Variants in GTPBP10 observed in about 807,000 individuals in gnomAD.
GTPBP10 encodes the protein GTP-binding protein 10.
Under a neutral mutation model 44.8 loss-of-function variants are expected in GTPBP10, and 38 were observed. The ratio of observed to expected loss-of-function variants is 0.85; its 90% CI spans 0.65 to 1.11. The LOEUF (loss-of-function observed/expected upper bound fraction) is 1.11. GTPBP10 is among the 50% of genes most tolerant of loss of function. GTPBP10 has a pLI of 0.00. For missense variants in GTPBP10, 462 were observed against 453.7 expected, an observed-to-expected ratio of 1.02 and a Z score of -0.17; for synonymous variants, 152 against 150.6, an observed-to-expected ratio of 1.01 and a Z score of -0.07.
At chr7:90,358,372 T>C (rs1176565135) in intron 4 of GTPBP10, among the ~76,000 whole-genome samples, 1 of 152,070 alleles carries the variant, frequency 6.6e-6, no homozygotes, top group African/African-American at 2.4e-5. Flanking sequence ...CAAATTATAT[T>C]ACAAGGTTAT....
chr7:90,352,647 G>A (rs969564962), intron 1 of GTPBP10, among the ~76,000 whole-genome samples, 169 bp from the exon 2 acceptor site: 1 of 152,188 alleles, frequency 6.6e-6, no homozygotes, highest in Non-Finnish European at 1.5e-5. Context: ...ATGGGAAAGG[G>A]GGTCAGATCG....
At chr7:90,375,205 A>C (rs1002023787) in intron 6 of GTPBP10, among the ~76,000 whole-genome samples, 11 of 152,312 alleles carry the variant, frequency 7.2e-5, no homozygotes, top group Non-Finnish European at 1.6e-4. Flanking sequence ...AGTAAAAAAA[A>C]AAAATGAATG....
At chr7:90,349,194 C>CAAT (rs1423862670) in intron 1 of GTPBP10, among the ~76,000 whole-genome samples, 2 of 152,136 alleles carry the variant, frequency 1.3e-5, no homozygotes, top group Non-Finnish European at 2.9e-5. Context: ...ATGGCTTTTT[C>CAAT]AATAATAATG....
At chr7:90,358,305 A>G (rs960347984) in intron 4 of GTPBP10, among the ~76,000 whole-genome samples, 3 of 152,088 alleles carry the variant, frequency 2.0e-5, no homozygotes, top group Non-Finnish European at 4.4e-5. Flanking sequence ...ATGGAAATAC[A>G]TCCAAAGCAA....
intron 4 of GTPBP10, chr7:90,371,331 G>GTAA: frequency 5.4e-6 from 1 of 186,820 alleles, no homozygotes; most frequent in Non-Finnish European, 1.0e-5. Flanking sequence ...ATTGAAAAGT[G>GTAA]TTCACCTTAT....
chr7:90,370,317 A>C (rs1411290167), intron 4 of GTPBP10, among the ~76,000 whole-genome samples: 1 of 150,708 alleles, frequency 6.6e-6, no homozygotes, highest in Non-Finnish European at 1.5e-5. Flanking sequence ...CCCATCAACC[A>C]ATGAATGAAG....
At position 90,374,340 on chromosome 7, in the gene GTPBP10, A is replaced by C. The variant is rs17867481; in HGVS notation, c.577A>C (p.Ser193Arg). 5.0e-6 allele frequency: 8 copies of C among 1,593,084 alleles called. No homozygotes were observed. In the African/African-American group the frequency reaches 1.1e-4, roughly 21 times the overall value. Residue 193 changes from serine to arginine, a missense_variant, in exon 6 of 10, where the codon AGT becomes CGT. Ser to Arg is a moderately radical substitution (Grantham distance 110). Transcript: ENST00000222511. ...GCCTGAACTTGGAAAGATAATGTAC[A>C]GTGATTTCAAACAGGTAGGTATTTT... ...LKPELGKIMY[S>R]DFKQISVADL...
In GTPBP10 at chr7:90,376,283, T is replaced by G. The variant is rs139382854; in HGVS notation, c.592-1224T>G. 8.3e-3 allele frequency among the ~76,000 whole-genome samples: 1,257 copies of G among 152,130 alleles called. 14 individuals carry two copies. The highest frequency in any genetic ancestry group is 0.028 in the African/African-American group (1,181 of 41,504). ...GTAAAATGATGGTTAATAATGATTATTCCCTCTAAAAGGAGTCTAGGAAAC... is the reference window on the plus strand; with the variant it reads ...GTAAAATGATGGTTAATAATGATTAGTCCCTCTAAAAGGAGTCTAGGAAAC... On this transcript the variant is annotated intron_variant, in intron 6 of 9. Coordinates refer to ENST00000222511, the MANE Select transcript of GTPBP10 (RefSeq NM_033107.4).
At chr7:90,356,478 A>G (rs1795902593) in intron 4 of GTPBP10, among the ~76,000 whole-genome samples, 1 of 152,198 alleles carries the variant, frequency 6.6e-6, no homozygotes, top group Non-Finnish European at 1.5e-5. Context: ...ACAACTTTAC[A>G]GTCTAAGAGG....
chr7:90,354,379 T>A (rs954834581), intron 2 of GTPBP10, 79 bp from the exon 3 acceptor site: 17 of 605,418 alleles, frequency 2.8e-5, no homozygotes, highest in Admixed American at 3.2e-5. Context: ...CTCTTCTTTG[T>A]AAACCATTTT....
chr7:90,388,869 A>ATTGAAAACCCAGTTTTACAAATCCC lies in GTPBP10; in HGVS notation c.*3716_*3740dup, dbSNP rs1796569642. The ATTGAAAACCCAGTTTTACAAATCCC allele has an allele frequency of 6.6e-6, 1 of 152,232 alleles. No homozygotes were observed. Among genetic ancestry groups the ATTGAAAACCCAGTTTTACAAATCCC allele is most frequent in the Non-Finnish European group, 1.5e-5 (1 of 68,032 alleles). The allele number at this position is 152,232 out of a possible 1,614,324, so 9.4% of individuals were successfully genotyped here. A position where few individuals can be genotyped will look rare whatever the true frequency, so the allele number is the denominator to read the frequency against. ...GTTTCACAGTGTTTGCAAAGTTCAG[A>ATTGAAAACCCAGTTTTACAAATCCC]TTGAAAACCCAGTTTTACAAATCCC... On this transcript the variant is annotated 3_prime_UTR_variant, in exon 10 of 10. Coordinates refer to ENST00000222511, the MANE Select transcript of GTPBP10 (RefSeq NM_033107.4).
intron 1 of GTPBP10, among the ~76,000 whole-genome samples, chr7:90,351,788 C>T (rs1584626626): frequency 6.6e-6 from 1 of 152,110 alleles, no homozygotes; most frequent in South Asian, 2.1e-4. Context: ...CTCTGCCTCC[C>T]AGGTTCATGC....
intron 4 of GTPBP10, among the ~76,000 whole-genome samples, chr7:90,363,368 G>A (rs1796065984): frequency 1.3e-5 from 2 of 152,138 alleles, no homozygotes; most frequent in South Asian, 4.1e-4. Context: ...TGTCTATAAA[G>A]GATTTTATTT....
chr7:90,347,867 A>G (rs531209529), intron 1 of GTPBP10, among the ~76,000 whole-genome samples: 1 of 152,354 alleles, frequency 6.6e-6, no homozygotes, highest in South Asian at 2.1e-4. Flanking sequence ...AATGGCATGT[A>G]GAAATGGCGG....
intron 4 of GTPBP10, among the ~76,000 whole-genome samples, chr7:90,355,654 C>T (rs1795883730): frequency 6.6e-6 from 1 of 152,224 alleles, no homozygotes; most frequent in Middle Eastern, 3.4e-3. Flanking sequence ...ATTAAAGTAT[C>T]GTTAATCAAA....
Position 90,346,725 on chromosome 7 carries a change from C to T in GTPBP10, c.-17C>T, listed in dbSNP as rs760476544. 6.8e-6 allele frequency: 11 copies of T among 1,614,118 alleles called. No individual in the cohort carries two copies. The African/African-American group carries it at 1.1e-4, about 16-fold the overall frequency. ...TTGTGCCGCTTCCGCAAGAAGGTTT[C>T]CTGGCCTGTTGCAGCCATGGTGCAT... On this transcript the variant is annotated 5_prime_UTR_variant, in exon 1 of 10. Transcript: ENST00000222511.
intron 4 of GTPBP10, among the ~76,000 whole-genome samples, chr7:90,361,563 A>G (rs1016208895): frequency 2.0e-5 from 3 of 152,182 alleles, no homozygotes; most frequent in Admixed American, 1.3e-4. Context: ...TTTTGCATCA[A>G]TGTTCATCAG....
rs774301367 is a variant in GTPBP10, at chr7:90,377,586, TAGAA to T, written c.676_679del (p.Arg226LeufsTer28). The T allele has an allele frequency of 5.6e-6, 9 of 1,609,492 alleles. No homozygotes were observed. The highest frequency in any genetic ancestry group is 2.2e-5 in the South Asian group (2 of 90,488). On this transcript the variant is annotated frameshift_variant, in exon 7 of 10. Transcript: ENST00000222511. LOFTEE classifies it high-confidence loss of function. ...ATGGGCCACAAATTCCTCAAGCATA[TAGAA>T]AGAACTAGACAACTACTTTTTGTTG...
chr7:90,377,690 A>G, intron 7 of GTPBP10, 76 bp downstream of exon 7: 1 of 978,582 alleles, frequency 1.0e-6, no homozygotes, highest in Non-Finnish European at 1.5e-6. Context: ...GAATTTTTTT[A>G]TAAATAAGAA....
Sources: gnomAD v4.1 joint callset for allele counts (sites outside exome capture counted in the v4.1 genomes callset) on GRCh38, gnomAD v4.1.1 for gene constraint, MANE v1.5 for transcripts, NCBI Gene and HGNC (gene_info 2026-07-23, HGNC 2026-07-21) for gene names.